Variants in CACNA2D1 observed in about 807,000 individuals in gnomAD.
CACNA2D1 encodes the protein calcium voltage-gated channel auxiliary subunit alpha2delta 1.
Under a neutral mutation model 171.5 loss-of-function variants are expected in CACNA2D1, and 53 were observed. That is an observed-to-expected ratio of 0.31 (90% CI 0.25 to 0.39). The LOEUF is 0.39. Among genes scored for constraint, CACNA2D1 ranks in the 10% least tolerant of loss-of-function variants. The pLI, the probability that CACNA2D1 is intolerant of heterozygous loss-of-function variation, is 1.00. For synonymous variants in CACNA2D1, 442 were observed against 443.1 expected, an observed-to-expected ratio of 1.00 and a Z score of 0.03; for missense variants, 903 against 1,299.8, an observed-to-expected ratio of 0.69 and a Z score of 4.69.
At chr7:82,396,393 A>C (rs1359392308) in intron 1 of CACNA2D1, among the ~76,000 whole-genome samples, 3 of 152,174 alleles carry the variant, frequency 2.0e-5, no homozygotes, top group African/African-American at 4.8e-5. Context: ...AATTTCAAGC[A>C]ATGTGGAATT....
chr7:81,981,783 C>T (rs1417993900), intron 24 of CACNA2D1, among the ~76,000 whole-genome samples: 5 of 151,664 alleles, frequency 3.3e-5, no homozygotes, highest in African/African-American at 4.8e-5. Context: ...GATGTACATG[C>T]GTGATGAAGG....
chr7:81,962,751 A>C (rs1257766885), intron 34 of CACNA2D1, among the ~76,000 whole-genome samples: 1 of 152,006 alleles, frequency 6.6e-6, no homozygotes. Context: ...CTAACAGGCA[A>C]TGTTATCAAG....
intron 3 of CACNA2D1, among the ~76,000 whole-genome samples, chr7:82,251,096 A>C (rs551492595): frequency 6.6e-6 from 1 of 152,266 alleles, no homozygotes; most frequent in South Asian, 2.1e-4. Flanking sequence ...AGGGAACATA[A>C]TAATGAATGC....
chr7:82,076,712 G>A (rs899677089), intron 7 of CACNA2D1, among the ~76,000 whole-genome samples: 1 of 152,044 alleles, frequency 6.6e-6, no homozygotes, highest in African/African-American at 2.4e-5. Flanking sequence ...TGCCCAAAAT[G>A]TTTGTGGTAC....
chr7:82,419,232 C>T (rs1282485533), intron 1 of CACNA2D1, among the ~76,000 whole-genome samples: 3 of 151,996 alleles, frequency 2.0e-5, no homozygotes, highest in Non-Finnish European at 4.4e-5. Context: ...CTGAAAAAAG[C>T]CAAGCACTTT....
At chr7:81,976,216 G>T (rs941257071) in intron 24 of CACNA2D1, among the ~76,000 whole-genome samples, 4 of 152,090 alleles carry the variant, frequency 2.6e-5, no homozygotes, top group Non-Finnish European at 4.4e-5. Flanking sequence ...GCTTAGGATT[G>T]TCTTGGCTAT....
intron 3 of CACNA2D1, among the ~76,000 whole-genome samples, chr7:82,205,907 T>C (rs1799959470): frequency 6.6e-6 from 1 of 152,194 alleles, no homozygotes; most frequent in African/African-American, 2.4e-5. Flanking sequence ...CTAATCCTTT[T>C]CATTTTGATA....
intron 1 of CACNA2D1, among the ~76,000 whole-genome samples, chr7:82,399,006 G>A (rs1402173736): frequency 6.6e-6 from 1 of 151,496 alleles, no homozygotes; most frequent in Non-Finnish European, 1.5e-5. Context: ...TTTTATAAGG[G>A]AACAGAGAAC....
intron 6 of CACNA2D1, among the ~76,000 whole-genome samples, chr7:82,111,424 G>GAATATATATATTCATATATA (rs1788406766): frequency 1.4e-5 from 1 of 71,102 alleles, no homozygotes; most frequent in African/African-American, 7.3e-5. Flanking sequence ...GTGTATATAT[G>GAATATATATATTCATATATA]TGTGTATATA....
intron 38 of CACNA2D1, among the ~76,000 whole-genome samples, chr7:81,955,098 TG>T (rs1471339503): frequency 6.6e-6 from 1 of 152,116 alleles, no homozygotes; most frequent in Non-Finnish European, 1.5e-5. Flanking sequence ...GTTAGCTTTT[TG>T]AGTCTTCATA....
intron 12 of CACNA2D1, chr7:82,027,795 T>C (rs1319142930): frequency 6.6e-6 from 1 of 151,758 alleles, no homozygotes; most frequent in African/African-American, 2.4e-5. Context: ...ACATCTGTTA[T>C]AGTGATCATT....
At chr7:81,969,116 C>T (rs958470851) in intron 28 of CACNA2D1, 143 bp from the exon 29 acceptor site, 3 of 619,380 alleles carry the variant, frequency 4.8e-6, no homozygotes, top group African/African-American at 3.7e-5. Flanking sequence ...GCTCTCCTTC[C>T]TCTCTTCTTC....
At chr7:82,362,239 A>T (rs1031931125) in intron 1 of CACNA2D1, among the ~76,000 whole-genome samples, 5 of 152,262 alleles carry the variant, frequency 3.3e-5, no homozygotes, top group African/African-American at 9.6e-5. Context: ...TTTTTTTGTC[A>T]TTATTAGTCA....
Position 82,344,080 on chromosome 7 carries a change from T to C in CACNA2D1, c.177+5488A>G, listed in dbSNP as rs74460391. Reference sequence around the variant, plus strand: ...GAGCAGTTTTTCAACCTTAGTACAATTGACATTTTACAGATAATTCTCTGT... The same window carrying C: ...GAGCAGTTTTTCAACCTTAGTACAACTGACATTTTACAGATAATTCTCTGT... On this transcript the variant is annotated intron_variant, in intron 2 of 38. Transcript: ENST00000356860. Among the ~76,000 whole-genome samples, 1,158 of 152,332 alleles carry C rather than the reference T, an allele frequency of 7.6e-3. 24 individuals are homozygous for C. In the East Asian group the frequency reaches 0.081, roughly 11 times the overall value.
At chr7:82,257,960 G>A (rs1378431497) in intron 3 of CACNA2D1, among the ~76,000 whole-genome samples, 1 of 152,302 alleles carries the variant, frequency 6.6e-6, no homozygotes, top group South Asian at 2.1e-4. Context: ...GAAGAGAATA[G>A]AAATAAAATA....
chr7:82,143,720 T>C (rs926841998), intron 4 of CACNA2D1, among the ~76,000 whole-genome samples: 2 of 152,296 alleles, frequency 1.3e-5, no homozygotes, highest in African/African-American at 4.8e-5. Flanking sequence ...CCAGTCTACA[T>C]GTACACCTCC....
intron 3 of CACNA2D1, among the ~76,000 whole-genome samples, chr7:82,299,932 G>C (rs1469935351): frequency 6.6e-6 from 1 of 152,082 alleles, no homozygotes; most frequent in Non-Finnish European, 1.5e-5. Flanking sequence ...ACGATGTTAG[G>C]CCCAACAGGT....
chr7:82,336,034 C>G (rs549361571), intron 2 of CACNA2D1, among the ~76,000 whole-genome samples: 1 of 152,238 alleles, frequency 6.6e-6, no homozygotes, highest in South Asian at 2.1e-4. Context: ...GGAGGGGAAG[C>G]AGTCACAGTG....
intron 3 of CACNA2D1, among the ~76,000 whole-genome samples, chr7:82,279,443 A>G (rs1298378758): frequency 2.0e-5 from 3 of 152,208 alleles, no homozygotes; most frequent in Non-Finnish European, 4.4e-5. Flanking sequence ...GAATCTGATT[A>G]TCAACCAGTC....
Sources: allele counts gnomAD v4.1 joint callset (sites outside exome capture counted in the v4.1 genomes callset), GRCh38; gene constraint gnomAD v4.1.1; transcripts MANE v1.5; gene names NCBI Gene and HGNC (gene_info 2026-07-23, HGNC 2026-07-21).